CD163L1: variants seen among roughly 807,000 people sequenced by gnomAD.
CD163L1 encodes the protein CD163 molecule like 1.
In CD163L1, 124 loss-of-function variants were observed where a neutral mutation model predicts 165.4. That is an observed-to-expected ratio of 0.75 (90% CI 0.65 to 0.87). CD163L1 has a LOEUF of 0.87. Ranked by LOEUF, CD163L1 falls within the 40% of genes least tolerant of loss-of-function variation. The probability of loss-of-function intolerance (pLI) is 0.00; values close to 1 mark genes in which losing one functional copy is unlikely to be tolerated. For synonymous variants in CD163L1, 585 were observed against 662.2 expected (o/e 0.88, Z 1.79); for missense variants, 1,525 against 1,799.9 (o/e 0.85, Z 2.76).
At chr12:7,334,457 C>A in the CD163L1 span, among the ~76,000 whole-genome samples, 1 of 152,202 alleles carries the variant, frequency 6.6e-6, no homozygotes, top group East Asian at 1.9e-4. Flanking sequence ...ATGCTAAAAA[C>A]TCTCAGTAAA....
At chr12:7,344,291 C>T (rs1023890664), downstream of CD163L1, among the ~76,000 whole-genome samples, 16 of 152,120 alleles carry the variant, frequency 1.1e-4, no homozygotes, top group African/African-American at 3.9e-4. Flanking sequence ...TGGTCTCTAA[C>T]TCCTCCTCTT....
rs1182776879 is a variant in CD163L1, at chr12:7,406,934, C to T, written c.767-82G>A. On this transcript the variant is annotated intron_variant, in intron 4 of 19. Coordinates refer to ENST00000313599, the MANE Select transcript of CD163L1 (RefSeq NM_174941.6). ...TTCCAGATCCTGCTATCCAAATAAA[C>T]ACAAATATATAATAAATTGAGATTC... is the stretch of plus-strand genomic sequence containing the variant. 4 of 1,226,196 alleles carry T rather than the reference C, an allele frequency of 3.3e-6. No individual in the cohort carries two copies. The African/African-American group carries it at 4.6e-5, about 14-fold the overall frequency. The allele number at this position is 1,226,196 out of a possible 1,614,324, so 76.0% of individuals were successfully genotyped here.
Position 7,375,752 on chromosome 12 carries a change from T to C in CD163L1, c.2634A>G (p.Gln878=). 1 of 1,614,248 alleles carries C rather than the reference T, an allele frequency of 6.2e-7. No homozygotes were observed. Among genetic ancestry groups the C allele is most frequent in the Middle Eastern group, 1.6e-4 (1 of 6,062 alleles). ...TGTGGATACAAGTGTCTTCCGGATGTTGAACAATGGGGCATAATGCAAGGT... is the reference window on the plus strand; with the variant it reads ...TGTGGATACAAGTGTCTTCCGGATGCTGAACAATGGGGCATAATGCAAGGT... The part of the protein sequence containing the change: ...ETHLALCPIV[Q]HPEDTCIHSR... Residue 878 remains glutamine (Q), a synonymous_variant, in exon 10 of 20, where the codon CAA becomes CAG. Transcript: ENST00000313599.
chr12:7,341,672 C>G, the CD163L1 span, among the ~76,000 whole-genome samples: 1 of 152,026 alleles, frequency 6.6e-6, no homozygotes, highest in Non-Finnish European at 1.5e-5. Context: ...CTGGAGTCAC[C>G]AAGGAGAGGA....
intron 8 of CD163L1, among the ~76,000 whole-genome samples, chr12:7,389,960 TTATA>T (rs59235889): frequency 6.6e-5 from 9 of 135,934 alleles, no homozygotes; most frequent in South Asian, 2.3e-4. Flanking sequence ...ATATATATAT[TTATA>T]TATATATATA....
At chr12:7,413,088 T>C (rs1948170025) in intron 4 of CD163L1, among the ~76,000 whole-genome samples, 1 of 87,322 alleles carries the variant, frequency 1.1e-5, no homozygotes, top group African/African-American at 6.7e-5. Context: ...TGAGACTCCA[T>C]CTCAAAAAAA....
rs935634874 is a variant in CD163L1, at chr12:7,347,222, C to T, written c.*25-75G>A. On this transcript the variant is annotated intron_variant, in intron 4 of 4. Transcript: ENST00000539726. The surrounding 1 kb of genome is among the most constrained non-coding windows in gnomAD (Gnocchi z 4.2). ...TCTACAATTGCAATAGCTTTCAGTT[C>T]ATTTCTCTAAAATTGTGTTTACTTA... is the stretch of plus-strand genomic sequence containing the variant. The T allele has an allele frequency of 1.3e-5, 2 of 152,142 alleles. No homozygotes were observed. Among genetic ancestry groups the T allele is most frequent in the Non-Finnish European group, 2.9e-5 (2 of 68,006 alleles). 9.4% of individuals were successfully genotyped at this position (152,142 alleles called of 1,614,324 possible). A position where few individuals can be genotyped will look rare whatever the true frequency, so the allele number is the denominator to read the frequency against.
chr12:7,335,959 T>G, the CD163L1 span, among the ~76,000 whole-genome samples: 1 of 147,100 alleles, frequency 6.8e-6, no homozygotes. Flanking sequence ...CACAATGAGA[T>G]ACCATCTCAC....
chr12:7,328,545 C>A, the CD163L1 span: 1 of 400,208 alleles, frequency 2.5e-6, no homozygotes, highest in Non-Finnish European at 4.4e-6. Context: ...TAAATAAAAG[C>A]CTCAAAAACG....
chr12:7,320,600 A>G, the CD163L1 span: 1 of 694,976 alleles, frequency 1.4e-6, no homozygotes, highest in Non-Finnish European at 2.5e-6. Flanking sequence ...TTGTTTTCTT[A>G]TTCCTAGTAG....
intron 19 of CD163L1, among the ~76,000 whole-genome samples, chr12:7,355,340 T>C (rs907203366): frequency 3.9e-5 from 6 of 152,180 alleles, no homozygotes; most frequent in Non-Finnish European, 7.4e-5. Context: ...ATTTTCTTTC[T>C]GCTCCCATAG....
intron 18 of CD163L1, among the ~76,000 whole-genome samples, chr12:7,359,538 A>G (rs757868724): frequency 6.6e-6 from 1 of 152,250 alleles, no homozygotes; most frequent in East Asian, 1.9e-4. Context: ...TGAGAAATAA[A>G]AGATTTTCTC....
chr12:7,351,180 GATAT>G (rs768176243), downstream of CD163L1, among the ~76,000 whole-genome samples: 5 of 151,838 alleles, frequency 3.3e-5, no homozygotes, highest in Non-Finnish European at 4.4e-5. Context: ...AATACATATA[GATAT>G]ATATATAGAT....
chr12:7,437,304 TATTA>T (rs1948749812), intron 2 of CD163L1, among the ~76,000 whole-genome samples: 1 of 13,490 alleles, frequency 7.4e-5, no homozygotes, highest in Admixed American at 1.3e-3. Context: ...ACTTTTATTT[TATTA>T]ATGAATATTA....
At chr12:7,442,553 G>A (rs1157065290) in intron 1 of CD163L1, among the ~76,000 whole-genome samples, 3 of 152,174 alleles carry the variant, frequency 2.0e-5, no homozygotes, top group Non-Finnish European at 2.9e-5. Flanking sequence ...CTTGGAAAAT[G>A]TACCCAAATC....
Position 7,398,552 on chromosome 12 carries a change from C to A in CD163L1, c.1441G>T (p.Ala481Ser), listed in dbSNP as rs368169785. Reference sequence around the variant, plus strand: ...AATCTCCCATAACAGGGGCTATGAGCCCCGACAAGCCTTAGGTCCAGATCT... The same window carrying A: ...AATCTCCCATAACAGGGGCTATGAGACCCGACAAGCCTTAGGTCCAGATCT... ...KADLDLRLVG[A>S]HSPCYGRLEV... The change falls in exon 7 of 20, where the codon GCT becomes TCT. Residue 481 changes from alanine (A) to serine (S), a missense_variant. Ala to Ser is a moderately conservative substitution (Grantham distance 99). Coordinates refer to ENST00000313599, the MANE Select transcript of CD163L1 (RefSeq NM_174941.6). This position sits in a 1 kb window ranked among gnomAD's most constrained non-coding sequence, Gnocchi z 4.5. 60 of 1,600,016 alleles carry A rather than the reference C, an allele frequency of 3.7e-5. No homozygotes were observed. The highest frequency in any genetic ancestry group is 2.7e-4 in the African/African-American group (20 of 74,416).
rs55888642 is a variant in CD163L1 at position 7,363,790 on chromosome 12, G to GAA, written c.4279+3444_4279+3445dup. On this transcript the variant is annotated intron_variant, in intron 18 of 19. Transcript: ENST00000313599. ...GAGATCAAAGCCATAATAATAATAA[G>GAA]AAAAAAAAAAACCTCTCACTAAAGA... 1.6e-3 allele frequency among the ~76,000 whole-genome samples: 237 copies of GAA among 146,734 alleles called. 1 individual carries two copies. Among genetic ancestry groups the GAA allele is most frequent in the South Asian group, 9.3e-3 (43 of 4,648 alleles).
chr12:7,431,736 C>T (rs2136630076), intron 4 of CD163L1, among the ~76,000 whole-genome samples: 1 of 151,814 alleles, frequency 6.6e-6, no homozygotes, highest in African/African-American at 2.4e-5. Flanking sequence ...TGCACTTGTA[C>T]CCTAGAACTT....
intron 8 of CD163L1, among the ~76,000 whole-genome samples, chr12:7,391,170 C>G (rs767579606): frequency 1.3e-5 from 2 of 152,198 alleles, no homozygotes; most frequent in African/African-American, 4.8e-5. Context: ...GGAATAGTAT[C>G]AACATCAACA....
Sources: allele counts gnomAD v4.1 joint callset (sites outside exome capture counted in the v4.1 genomes callset), GRCh38; gene constraint gnomAD v4.1.1; non-coding constraint Gnocchi (gnomAD v3.1); transcripts MANE v1.5; gene names NCBI Gene and HGNC (gene_info 2026-07-23, HGNC 2026-07-21).